The following GAB2 variants were observed in gnomAD, a reference collection of about 807,000 sequenced individuals.
GAB2 encodes the protein GRB2 associated binding protein 2.
Under a neutral mutation model 65.5 loss-of-function variants are expected in GAB2, and 26 were observed. The ratio of observed to expected loss-of-function variants is 0.40; its 90% CI spans 0.29 to 0.55. The LOEUF (loss-of-function observed/expected upper bound fraction) is 0.55, where lower values mean the gene tolerates loss of function less well. Among genes scored for constraint, GAB2 ranks in the 20% least tolerant of loss-of-function variants. GAB2 has a pLI of 0.53. For synonymous variants in GAB2, 321 were observed against 329.6 expected (o/e 0.97, Z 0.28); for missense variants, 884 against 875.8 (o/e 1.01, Z -0.12).
At chr11:78,344,612 T>C (rs556303609) in intron 1 of GAB2, among the ~76,000 whole-genome samples, 8 of 152,368 alleles carry the variant, frequency 5.3e-5, no homozygotes, top group African/African-American at 1.7e-4. Context: ...AGAATATTCA[T>C]TGTTTAATTC....
intron 1 of GAB2, among the ~76,000 whole-genome samples, chr11:78,311,401 GT>G (rs141675297): frequency 1.9e-4 from 28 of 150,144 alleles, no homozygotes; most frequent in Non-Finnish European, 2.8e-4. Flanking sequence ...TATAAAGGTT[GT>G]TTTTTTTTCT....
Position 78,339,276 on chromosome 11 carries a change from C to T in GAB2, c.76-58375G>A, listed in dbSNP as rs574103650. Among the ~76,000 whole-genome samples, 9 of 152,226 alleles carry T rather than the reference C, an allele frequency of 5.9e-5. No individual in the cohort carries two copies. The South Asian group carries it at 1.9e-3, about 32-fold the overall frequency. On this transcript the variant is annotated intron_variant, in intron 1 of 9. Transcript: ENST00000361507. ...GACACTCTTCTTTCATTTTGAATTT[C>T]TTTCACACTTGAAATCCAGAAAAAT...
rs764191402 is a variant in GAB2, at chr11:78,250,334, G to C, written c.443C>G (p.Ser148Cys). Residue 148 changes from serine (S) to cysteine (C), a missense_variant, in exon 3 of 10, where the codon TCT becomes TGT. Transcript: ENST00000361507. ...GCGCTCTCGGAGAAGGTGCTGGCTA[G>C]AGCTGCTGAGCTCAGCTGGAGAAGA... ...PRSSPAELSS[S>C]SQHLLRERKS... The C allele has an allele frequency of 2.5e-6, 4 of 1,613,554 alleles. No homozygotes were observed. The East Asian group carries it at 8.9e-5, about 36-fold the overall frequency.
intron 1 of GAB2, among the ~76,000 whole-genome samples, chr11:78,381,399 G>A (rs758496019): frequency 6.6e-6 from 1 of 152,280 alleles, no homozygotes; most frequent in South Asian, 2.1e-4. Flanking sequence ...TGTGTCTTGA[G>A]AGATGAGTCT....
rs1229820891 is a variant in GAB2 at position 78,225,213 on chromosome 11, AAGG to A, written c.1208-14_1208-12del. The A allele has an allele frequency of 1.9e-6, 3 of 1,576,010 alleles. No homozygotes were observed. The African/African-American group carries it at 4.0e-5, about 21-fold the overall frequency. ...TCTCACAGGAAGAAGCTGACAGAGG[AAGG>A]AGGATTCATAAGTACTCATGGTTGA... On this transcript the variant is annotated splice_polypyrimidine_tract_variant and intron_variant, in intron 4 of 9. Coordinates refer to ENST00000361507, the MANE Select transcript of GAB2 (RefSeq NM_080491.3).
intron 1 of GAB2, among the ~76,000 whole-genome samples, chr11:78,358,939 C>T (rs1249399951): frequency 1.3e-5 from 2 of 151,822 alleles, no homozygotes; most frequent in Non-Finnish European, 2.9e-5. Context: ...AACTGAATGT[C>T]CAAAAATGAA....
chr11:78,350,138 C>A (rs751855159), intron 1 of GAB2, among the ~76,000 whole-genome samples: 3 of 152,146 alleles, frequency 2.0e-5, no homozygotes, highest in Non-Finnish European at 4.4e-5. Flanking sequence ...AATTTACCGT[C>A]TTCCTATTTC....
intron 3 of GAB2, among the ~76,000 whole-genome samples, chr11:78,237,702 G>GA (rs145844256): frequency 0.019 from 2,884 of 152,026 alleles, 105 homozygotes; most frequent in African/African-American, 0.068. Flanking sequence ...AAAAGGATTG[G>GA]AAAAAAAAGA....
chr11:78,345,095 C>T (rs1208563550), intron 1 of GAB2, among the ~76,000 whole-genome samples: 1 of 152,158 alleles, frequency 6.6e-6, no homozygotes, highest in East Asian at 1.9e-4. Flanking sequence ...GCCCGCGCAA[C>T]ATGGCAAAAC....
At chr11:78,365,682 G>T (rs908490279) in intron 1 of GAB2, among the ~76,000 whole-genome samples, 1 of 152,208 alleles carries the variant, frequency 6.6e-6, no homozygotes, top group African/African-American at 2.4e-5. Flanking sequence ...TCTGGGTGAG[G>T]CAAGCAAACT....
At chr11:78,346,835 G>A (rs984420271) in intron 1 of GAB2, among the ~76,000 whole-genome samples, 3 of 150,534 alleles carry the variant, frequency 2.0e-5, no homozygotes, top group African/African-American at 7.3e-5. Context: ...TTTAGAGGGG[G>A]GCATTAAGTA....
intron 2 of GAB2, among the ~76,000 whole-genome samples, chr11:78,251,149 G>GAAA (rs368938627): frequency 1.3e-5 from 2 of 148,296 alleles, no homozygotes; most frequent in African/African-American, 5.0e-5. Flanking sequence ...CTAATTACAG[G>GAAA]AAAAAAAAAA....
rs527752381 is a variant in GAB2, at chr11:78,236,348, G to A, written c.621-9297C>T. Among the ~76,000 whole-genome samples the A allele has an allele frequency of 2.7e-3, 407 of 152,118 alleles. 4 individuals carry two copies. Among genetic ancestry groups the A allele is most frequent in the South Asian group, 0.018 (88 of 4,820 alleles). On this transcript the variant is annotated intron_variant, in intron 3 of 9. Transcript: ENST00000361507. ...TTGTTGTTAAAATACACAGGGTTTC[G>A]CCATGTTGCTCAGGCTGGTCTCGAA...
At chr11:78,374,483 G>A (rs1856609205) in intron 1 of GAB2, among the ~76,000 whole-genome samples, 2 of 152,288 alleles carry the variant, frequency 1.3e-5, no homozygotes, top group Middle Eastern at 3.4e-3. Flanking sequence ...TCTAGTCCTA[G>A]TGCCAATTCT....
chr11:78,240,916 G>C (rs1865115939), intron 3 of GAB2, among the ~76,000 whole-genome samples: 1 of 152,186 alleles, frequency 6.6e-6, no homozygotes, highest in Admixed American at 6.5e-5. Context: ...CCAAGACCCA[G>C]CTGCCACAAT....
At chr11:78,281,098 C>G (rs759703827) in intron 1 of GAB2, among the ~76,000 whole-genome samples, 197 bp from the exon 2 acceptor site, 3 of 152,040 alleles carry the variant, frequency 2.0e-5, no homozygotes, top group African/African-American at 7.2e-5. Context: ...GGACTACAGA[C>G]GCACATCACC....
At chr11:78,328,275 G>C (rs979887229) in intron 1 of GAB2, among the ~76,000 whole-genome samples, 4 of 152,172 alleles carry the variant, frequency 2.6e-5, no homozygotes, top group South Asian at 4.1e-4. Context: ...TGGTAGCATT[G>C]CATTTGCAGT....
chr11:78,325,833 A>G (rs1430512089), intron 1 of GAB2, among the ~76,000 whole-genome samples: 1 of 152,214 alleles, frequency 6.6e-6, no homozygotes, highest in Non-Finnish European at 1.5e-5. Context: ...TGCCACAAAT[A>G]AAAAAGAAAA....
intron 2 of GAB2, among the ~76,000 whole-genome samples, chr11:78,280,020 C>T (rs1002044214): frequency 6.6e-6 from 1 of 152,204 alleles, no homozygotes; most frequent in Non-Finnish European, 1.5e-5. Context: ...TACAATTTAA[C>T]ACTCATTTCA....
Sources: gnomAD v4.1 joint callset for allele counts (sites outside exome capture counted in the v4.1 genomes callset) on GRCh38, gnomAD v4.1.1 for gene constraint, MANE v1.5 for transcripts, NCBI Gene and HGNC (gene_info 2026-07-23, HGNC 2026-07-21) for gene names.